Variants in PRKCH observed in about 807,000 individuals in gnomAD.
The protein encoded by PRKCH is protein kinase C eta type.
Under a neutral mutation model 82.5 loss-of-function variants are expected in PRKCH, and 28 were observed. The observed-to-expected ratio is 0.34, with a 90% CI of 0.25 to 0.47. The LOEUF (loss-of-function observed/expected upper bound fraction) is 0.47. PRKCH is among the 20% of genes least tolerant of loss of function. The pLI is 1.00. For missense variants in PRKCH, 705 were observed against 881.8 expected (o/e 0.80, Z 2.54); for synonymous variants, 322 against 327.4 (o/e 0.98, Z 0.18).
rs140459209 is a variant in PRKCH, at chr14:61,373,688, C to T, written c.364-17537C>T. Among the ~76,000 whole-genome samples the T allele has an allele frequency of 7.1e-3, 1,087 of 152,218 alleles. 35 individuals are homozygous for T. Among genetic ancestry groups the T allele is most frequent in the South Asian group, 0.058 (281 of 4,816 alleles). ...TGATCTTGGCTCACTGAAACCTCTG[C>T]CTCGCAGGTTCAAGCAATTCTTCTG... On this transcript the variant is annotated intron_variant, in intron 1 of 13. Transcript: ENST00000332981.
At chr14:61,498,885 C>T (rs1332048007) in intron 10 of PRKCH, among the ~76,000 whole-genome samples, 5 of 152,046 alleles carry the variant, frequency 3.3e-5, no homozygotes, top group Admixed American at 3.3e-4. Context: ...CATTCATACA[C>T]GTGTTTGGGG....
At chr14:61,503,966 A>C (rs954037185) in intron 10 of PRKCH, among the ~76,000 whole-genome samples, 1 of 152,166 alleles carries the variant, frequency 6.6e-6, no homozygotes, top group Non-Finnish European at 1.5e-5. Flanking sequence ...ATTAATTCTC[A>C]AGATAAAAAC....
chr14:61,493,774 A>G (rs4902069), intron 10 of PRKCH, among the ~76,000 whole-genome samples: 140,697 of 151,790 alleles, frequency 0.93, 65,695 homozygotes, highest in Non-Finnish European at 0.99. Flanking sequence ...CCAGGTTGCA[A>G]GGGAGAGGTT....
chr14:61,248,798 A>ATGTATGTATGTATGTG (rs1428817945), intron 1 of PRKCH, among the ~76,000 whole-genome samples: 1 of 21,970 alleles, frequency 4.6e-5, no homozygotes, highest in Non-Finnish European at 9.5e-5. Context: ...GTATGTATGT[A>ATGTATGTATGTATGTG]TGTGTGTGTG....
intron 1 of PRKCH, chr14:61,326,921 T>C (rs2045704754): frequency 6.5e-6 from 2 of 306,918 alleles, no homozygotes; most frequent in Non-Finnish European, 1.3e-5. Flanking sequence ...CTGTTTAAAC[T>C]CTATTTTCTT....
chr14:61,497,199 GA>G (rs1481598990), intron 10 of PRKCH, among the ~76,000 whole-genome samples: 1 of 152,196 alleles, frequency 6.6e-6, no homozygotes, highest in African/African-American at 2.4e-5. Flanking sequence ...CTCCTGAGTA[GA>G]ATGGACCTGG....
rs527299250 is a variant in PRKCH, at chr14:61,330,429, C to T, written c.363+7965C>T. ...GGAAAGTTTGGGAGGGAACTGTTTC[C>T]ATGCTTGTGAACAGATGACCTGCAA... On this transcript the variant is annotated intron_variant, in intron 1 of 13. Transcript: ENST00000332981. 2.5e-4 allele frequency among the ~76,000 whole-genome samples: 38 copies of T among 152,286 alleles called. No homozygotes were observed. In the East Asian group the frequency reaches 6.9e-3, roughly 28 times the overall value.
chr14:61,497,458 G>A (rs1013999432), intron 10 of PRKCH, among the ~76,000 whole-genome samples: 1 of 152,168 alleles, frequency 6.6e-6, no homozygotes. Context: ...TTTGGGAAAA[G>A]CATCAAACAC....
chr14:61,214,690 C>G (rs2044605035), intron 1 of PRKCH, among the ~76,000 whole-genome samples: 1 of 152,146 alleles, frequency 6.6e-6, no homozygotes, highest in Non-Finnish European at 1.5e-5. Flanking sequence ...CCCTCTTTCT[C>G]TCCTGGTAGT....
chr14:61,240,039 C>A (rs531288136), intron 1 of PRKCH, among the ~76,000 whole-genome samples: 3 of 152,316 alleles, frequency 2.0e-5, no homozygotes, highest in Middle Eastern at 6.8e-3. Context: ...CTCTAAATTT[C>A]ACTGGAGGTT....
intron 1 of PRKCH, among the ~76,000 whole-genome samples, chr14:61,373,851 C>A (rs2046394939): frequency 6.6e-6 from 1 of 152,104 alleles, no homozygotes; most frequent in South Asian, 2.1e-4. Context: ...GATCTGCCTG[C>A]CTTGGCCTCC....
At chr14:61,192,380 T>C (rs2140033108) in intron 1 of PRKCH, among the ~76,000 whole-genome samples, 1 of 152,342 alleles carries the variant, frequency 6.6e-6, no homozygotes, top group South Asian at 2.1e-4. Context: ...CAGATAAAGG[T>C]GTTCATTCTG....
intron 1 of PRKCH, among the ~76,000 whole-genome samples, chr14:61,244,992 A>G (rs2044867969): frequency 1.3e-5 from 2 of 152,200 alleles, no homozygotes; most frequent in African/African-American, 2.4e-5. Context: ...TGGTAAACCT[A>G]CTATACCTGA....
intron 1 of PRKCH, among the ~76,000 whole-genome samples, chr14:61,324,461 G>GT (rs1376740084): frequency 2.2e-4 from 34 of 151,680 alleles, no homozygotes; most frequent in African/African-American, 3.6e-4. Flanking sequence ...TTTTTTTGTT[G>GT]TTTTTTTTAA....
intron 2 of PRKCH, among the ~76,000 whole-genome samples, chr14:61,393,610 C>T (rs2046721993): frequency 6.6e-6 from 1 of 152,214 alleles, no homozygotes; most frequent in Admixed American, 6.5e-5. Context: ...GTCTGGACCT[C>T]TTAGAGTTTC....
At chr14:61,362,340 TA>T (rs10591516) in intron 1 of PRKCH, among the ~76,000 whole-genome samples, 4,692 of 125,474 alleles carry the variant, frequency 0.037, 113 homozygotes, top group African/African-American at 0.072. Context: ...CATCTTGTCT[TA>T]AAAAAAAAAA....
intron 10 of PRKCH, among the ~76,000 whole-genome samples, chr14:61,508,840 G>C (rs1594773062): frequency 6.6e-6 from 1 of 152,118 alleles, no homozygotes; most frequent in Non-Finnish European, 1.5e-5. Flanking sequence ...CTCTCTAGAT[G>C]TATCTTGAGG....
intron 10 of PRKCH, among the ~76,000 whole-genome samples, chr14:61,516,617 G>A (rs17098664): frequency 1.2e-4 from 19 of 152,038 alleles, no homozygotes; most frequent in Non-Finnish European, 2.5e-4. Flanking sequence ...TGGGGCCGGA[G>A]TGAGTGCTCA....
At chr14:61,392,317 A>G (rs1459565049) in intron 2 of PRKCH, among the ~76,000 whole-genome samples, 1 of 152,222 alleles carries the variant, frequency 6.6e-6, no homozygotes, top group Non-Finnish European at 1.5e-5. Flanking sequence ...GTGTGTGTGT[A>G]ACTTCAGAAG....
Sources: gnomAD v4.1 joint callset for allele counts (sites outside exome capture counted in the v4.1 genomes callset) on GRCh38, gnomAD v4.1.1 for gene constraint, MANE v1.5 for transcripts, NCBI Gene and HGNC (gene_info 2026-07-23, HGNC 2026-07-21) for gene names.